Variants in YY1AP1 observed in about 807,000 individuals in gnomAD.
The protein encoded by YY1AP1 is YY1 associated protein 1, also known as YY1-associated protein 1.
In YY1AP1, 43 loss-of-function variants were observed where a neutral mutation model predicts 39.9. That is an observed-to-expected ratio of 1.08 (90% CI 0.84 to 1.39). The LOEUF is 1.39. Ranked by LOEUF, YY1AP1 falls within the 40% of genes most tolerant of loss-of-function variation. YY1AP1 has a pLI of 0.00. For missense variants in YY1AP1, 813 were observed against 900.7 expected (o/e 0.90, Z 1.25); for synonymous variants, 292 against 331.3 (o/e 0.88, Z 1.29).
intron 9 of YY1AP1, 152 bp from the exon 10 acceptor site, chr1:155,661,575 G>A: frequency 1.3e-6 from 2 of 1,513,220 alleles, no homozygotes; most frequent in Non-Finnish European, 1.8e-6. Flanking sequence ...AAACATCCAT[G>A]AACACACATA....
chr1:155,682,790 G>A (rs757179466), intron 2 of YY1AP1, among the ~76,000 whole-genome samples: 2 of 151,972 alleles, frequency 1.3e-5, no homozygotes, highest in Non-Finnish European at 2.9e-5. Flanking sequence ...TTTGTCAACA[G>A]AAGAATTTTG....
At position 155,680,557 on chromosome 1, in the gene YY1AP1, C is replaced by T. The variant is rs768147663; in HGVS notation, c.-20-101G>A. Reference sequence around the variant, plus strand: ...ATGATGTTTTCAACAAGGCATCTGACGAATTCTTCATATCTATCCTTATTC... The same window carrying T: ...ATGATGTTTTCAACAAGGCATCTGATGAATTCTTCATATCTATCCTTATTC... On this transcript the variant is annotated intron_variant, in intron 2 of 10. Coordinates refer to ENST00000355499, the MANE Select transcript of YY1AP1 (RefSeq NM_139119.3). 45 of 1,023,374 alleles carry T rather than the reference C, an allele frequency of 4.4e-5. No individual in the cohort carries two copies. In the African/African-American group the frequency reaches 4.4e-4, roughly 10 times the overall value. The allele number at this position is 1,023,374 out of a possible 1,614,324, so 63.4% of individuals were successfully genotyped here.
rs1474504682 is a variant in YY1AP1, at chr1:155,660,766, G to A, written c.1144C>T (p.Leu382=). The change falls in exon 11 of 11, where the codon CTG becomes TTG. Residue 382 remains leucine, a synonymous_variant. Transcript: ENST00000355499. ...AGGACTACACCCTTAGGCAATAGCAGTGGGTACCGAGTTTCACTCCCCAAC... is the reference window on the plus strand; with the variant it reads ...AGGACTACACCCTTAGGCAATAGCAATGGGTACCGAGTTTCACTCCCCAAC... ...SELGSETRYP[L]LLPKGVVLKL... is the part of the protein sequence containing the mutation. 9 of 1,614,238 alleles carry A rather than the reference G, an allele frequency of 5.6e-6. No homozygotes were observed. Among genetic ancestry groups the A allele is most frequent in the Non-Finnish European group, 7.6e-6 (9 of 1,180,046 alleles).
Position 155,672,222 on chromosome 1 carries a change from T to G in YY1AP1, c.583+338A>C, listed in dbSNP as rs546229762. The G allele has an allele frequency of 3.8e-4, 137 of 364,216 alleles. 1 individual carries two copies. The highest frequency in any genetic ancestry group is 2.7e-3 in the African/African-American group (128 of 48,256). 22.6% of individuals were successfully genotyped at this position (364,216 alleles called of 1,614,324 possible). ...CATGACCGAACTTTACCACCTGACT[T>G]TCATCTTTACCAGGCCCCAGTTTAT... is the stretch of plus-strand genomic sequence containing the variant. On this transcript the variant is annotated intron_variant, in intron 7 of 10. Transcript: ENST00000355499.
intron 7 of YY1AP1, chr1:155,670,676 T>C (rs1649718096): frequency 5.1e-5 from 3 of 59,154 alleles, no homozygotes; most frequent in South Asian, 5.4e-4. Context: ...AAAAGTTGAC[T>C]TTTTTTTTTT....
At position 155,683,880 on chromosome 1, in the gene YY1AP1, T is replaced by C. The variant is rs565710122; in HGVS notation, c.-20-3424A>G. ...AGCTGGGCATGCTGGCTCACATCTG[T>C]AATCCCAGCAAACTGGGAGGCCAAG... is the stretch of plus-strand genomic sequence containing the variant. On this transcript the variant is annotated intron_variant, in intron 2 of 10. Transcript: ENST00000355499. Among the ~76,000 whole-genome samples, 11 of 152,264 alleles carry C rather than the reference T, an allele frequency of 7.2e-5. No individual in the cohort carries two copies. The South Asian group carries it at 2.3e-3, about 32-fold the overall frequency.
At position 155,680,461 on chromosome 1, in the gene YY1AP1, A is replaced by C; in HGVS notation, c.-20-5T>G. 1 of 1,612,462 alleles carries C rather than the reference A, an allele frequency of 6.2e-7. No individual in the cohort carries two copies. Among genetic ancestry groups the C allele is most frequent in the Non-Finnish European group, 8.5e-7 (1 of 1,178,834 alleles). On this transcript the variant is annotated splice_region_variant and splice_polypyrimidine_tract_variant and intron_variant, in intron 2 of 10. Transcript: ENST00000355499. ...TCAGCTCATTTGCTTCCTTTTCTGC[A>C]AAAAAGCCAAACGTTGTTGGTATAA...
At position 155,679,351 on chromosome 1, in the gene YY1AP1, C is replaced by T. The variant is rs771660700; in HGVS notation, c.125+58G>A. On this transcript the variant is annotated intron_variant, in intron 4 of 10. Coordinates refer to ENST00000355499, the MANE Select transcript of YY1AP1 (RefSeq NM_139119.3). ...AATTGTTAACTGCAACTTCTGAAAA[C>T]CTTTTCAGAAATAAACTCTTCCTCT... 15 of 1,612,182 alleles carry T rather than the reference C, an allele frequency of 9.3e-6. No individual in the cohort carries two copies. In the South Asian group the frequency reaches 9.9e-5, roughly 11 times the overall value.
intron 4 of YY1AP1, among the ~76,000 whole-genome samples, chr1:155,677,531 G>C (rs1650884240): frequency 1.3e-5 from 2 of 152,200 alleles, no homozygotes. Context: ...AACAGGATAA[G>C]ATCTGCTGAA....
chr1:155,675,193 C>G lies in YY1AP1; in HGVS notation c.325-97G>C, dbSNP rs6667819. On this transcript the variant is annotated intron_variant, in intron 5 of 10. Coordinates refer to ENST00000355499, the MANE Select transcript of YY1AP1 (RefSeq NM_139119.3). ...TTTTCCCCCTGGAGACAGGGTCTTG[C>G]TCTGTCACACAGCTTGGAGTGCAGT... 5.5e-3 allele frequency: 6,164 copies of G among 1,117,038 alleles called. 238 individuals are homozygous for G. The African/African-American group carries it at 0.084, about 15-fold the overall frequency. The allele number at this position is 1,117,038 out of a possible 1,614,324, so 69.2% of individuals were successfully genotyped here.
chr1:155,678,385 T>G (rs935906675), intron 4 of YY1AP1, among the ~76,000 whole-genome samples: 11 of 152,354 alleles, frequency 7.2e-5, no homozygotes, highest in Non-Finnish European at 1.5e-4. Flanking sequence ...AACAGGAATT[T>G]TAAATTAGTT....
intron 2 of YY1AP1, among the ~76,000 whole-genome samples, chr1:155,686,026 CTTTTTTTTTTTT>C (rs768966023): frequency 4.6e-4 from 35 of 76,346 alleles, no homozygotes; most frequent in Non-Finnish European, 6.4e-4. Context: ...TGAAATCAGT[CTTTTTTTTTTTT>C]TTTTTTTTTT....
At chr1:155,664,116 CCT>C (rs1648590515) in intron 9 of YY1AP1, among the ~76,000 whole-genome samples, 2 of 150,916 alleles carry the variant, frequency 1.3e-5, no homozygotes, top group Non-Finnish European at 2.9e-5. Context: ...AGGGTGGGAC[CCT>C]GTCTCGGAAA....
At chr1:155,663,006 G>A (rs1050121975) in intron 9 of YY1AP1, among the ~76,000 whole-genome samples, 10 of 149,112 alleles carry the variant, frequency 6.7e-5, no homozygotes, top group South Asian at 2.1e-4. Context: ...CTCCAACCCC[G>A]ACACCCCGCC....
At position 155,677,798 on chromosome 1, in the gene YY1AP1, T is replaced by C. The variant is rs962959350; in HGVS notation, c.126-1052A>G. ...CTGAAGGAACAGAAGAGAAGAAGCA[T>C]AAAAAAGTAGAAAATGGAAACATAG... is the stretch of plus-strand genomic sequence containing the variant. On this transcript the variant is annotated intron_variant, in intron 4 of 10. Coordinates refer to ENST00000355499, the MANE Select transcript of YY1AP1 (RefSeq NM_139119.3). Among the ~76,000 whole-genome samples, 9 of 152,186 alleles carry C rather than the reference T, an allele frequency of 5.9e-5. No homozygotes were observed. In the South Asian group the frequency reaches 1.2e-3, roughly 21 times the overall value.
intron 1 of YY1AP1, 36 bp from the exon 2 acceptor site, chr1:155,688,237 G>A (rs371208669): frequency 6.2e-6 from 10 of 1,611,952 alleles, no homozygotes; most frequent in East Asian, 2.2e-5. Context: ...GGGAAAGGTG[G>A]AGGGCTAAAG....
In YY1AP1 at chr1:155,659,640, ACT is replaced by A. The variant is rs773437691; in HGVS notation, c.*15_*16del. 54 of 1,613,310 alleles carry A rather than the reference ACT, an allele frequency of 3.3e-5. No individual in the cohort carries two copies. The South Asian group carries it at 3.8e-4, about 11-fold the overall frequency. On this transcript the variant is annotated 3_prime_UTR_variant, in exon 11 of 11. Coordinates refer to ENST00000355499, the MANE Select transcript of YY1AP1 (RefSeq NM_139119.3). ...CGAAGTGAAGGCTCCCAGTCTCCAGACTCTTATTCTCCTAGCTCAAAGAAATC... is the reference window on the plus strand; with the variant it reads ...CGAAGTGAAGGCTCCCAGTCTCCAGACTTATTCTCCTAGCTCAAAGAAATC...
intron 6 of YY1AP1, among the ~76,000 whole-genome samples, chr1:155,673,991 C>T (rs915025760): frequency 3.0e-4 from 46 of 151,880 alleles, no homozygotes; most frequent in Non-Finnish European, 5.7e-4. Flanking sequence ...GAAACCCCGT[C>T]TCTACTAAAA....
In YY1AP1 at chr1:155,660,495, C is replaced by T; in HGVS notation, c.1415G>A (p.Ser472Asn). 3 of 1,614,170 alleles carry T rather than the reference C, an allele frequency of 1.9e-6. No individual in the cohort carries two copies. The South Asian group carries it at 3.3e-5, about 18-fold the overall frequency. The change falls in exon 11 of 11, where the codon AGT becomes AAT. Residue 472 changes from serine (S) to asparagine (N), a missense_variant. Around this residue, in one of 3 missense-constraint regions of YY1AP1, gnomAD observed 586 missense variants for 647.4 expected, o/e 0.91. Coordinates refer to ENST00000355499, the MANE Select transcript of YY1AP1 (RefSeq NM_139119.3). ...AGGAGACTCAAAACTCTCACCTCCACTGACCCCCAGTGGAGGGACACCTGG... is the reference window on the plus strand; with the variant it reads ...AGGAGACTCAAAACTCTCACCTCCATTGACCCCCAGTGGAGGGACACCTGG... ...TVPGVPPLGV[S>N]GGESFESPAA...
Sources: allele counts gnomAD v4.1 joint callset (sites outside exome capture counted in the v4.1 genomes callset), GRCh38; gene constraint gnomAD v4.1.1; regional missense constraint gnomAD v4.1.1; transcripts MANE v1.5; gene names NCBI Gene and HGNC (gene_info 2026-07-23, HGNC 2026-07-21).